The following LUZP1 variants were observed in gnomAD, a reference collection of about 807,000 sequenced individuals.
LUZP1 encodes leucine zipper protein 1.
Under a neutral mutation model 71.3 loss-of-function variants are expected in LUZP1, and 25 were observed. That is an observed-to-expected ratio of 0.35 (90% CI 0.26 to 0.49). The LOEUF is 0.49. Ranked by LOEUF, LUZP1 falls within the 20% of genes least tolerant of loss-of-function variation. The probability of loss-of-function intolerance (pLI) is 0.99; values close to 1 mark genes in which losing one functional copy is unlikely to be tolerated. For missense variants in LUZP1, 1,142 were observed against 1,300.8 expected (o/e 0.88, Z 1.88); for synonymous variants, 481 against 506.4 (o/e 0.95, Z 0.67).
rs1268800611 is a variant in LUZP1, at chr1:23,172,519, AT to A, written c.-484-3496del. On this transcript the variant is annotated intron_variant, in intron 1 of 4. Transcript: ENST00000302291. ...TACAAAAAAAAATTTTTATTTTTTT[AT>A]TTTTTTTTTTTTAGACAGAGGTCAC... 2.7e-3 allele frequency among the ~76,000 whole-genome samples: 392 copies of A among 143,156 alleles called. 1 individual carries two copies. Among genetic ancestry groups the A allele is most frequent in the African/African-American group, 4.4e-3 (173 of 39,350 alleles). The allele number at this position is 143,156 out of a possible 152,430, so 93.9% of individuals were successfully genotyped here.
At chr1:23,119,348 T>G (rs1200003724) in intron 2 of LUZP1, among the ~76,000 whole-genome samples, 1 of 137,220 alleles carries the variant, frequency 7.3e-6, no homozygotes, top group Non-Finnish European at 1.5e-5. Context: ...AACCTCGAAC[T>G]CCTGGGCTCG....
At chr1:23,162,210 A>G (rs1644472778) in intron 2 of LUZP1, among the ~76,000 whole-genome samples, 1 of 151,976 alleles carries the variant, frequency 6.6e-6, no homozygotes, top group South Asian at 2.1e-4. Flanking sequence ...TGCTGTCAGA[A>G]GTCAGGATGG....
chr1:23,123,222 G>A (rs193183085), intron 2 of LUZP1, among the ~76,000 whole-genome samples: 8 of 152,172 alleles, frequency 5.3e-5, no homozygotes, highest in Middle Eastern at 6.8e-3. Flanking sequence ...GGCCGGGCGC[G>A]GTGGCTCACC....
In LUZP1 at chr1:23,169,343, A is replaced by C. The variant is rs548812396; in HGVS notation, c.-484-319T>G. 5.9e-5 allele frequency among the ~76,000 whole-genome samples: 9 copies of C among 152,346 alleles called. No homozygotes were observed. In the South Asian group the frequency reaches 8.3e-4, roughly 14 times the overall value. ...GGGTGACAGAGTGAGACCCTGTCTC[A>C]AAAGAAAAAGAAAAAAGCGGGACAC... On this transcript the variant is annotated intron_variant, in intron 1 of 4. Transcript: ENST00000302291.
exon 5 of LUZP1, chr1:23,086,781 G>T (rs1184886764): frequency 6.6e-6 from 1 of 152,646 alleles, no homozygotes; most frequent in South Asian, 2.1e-4. Flanking sequence ...AGCAGTAAGA[G>T]ATCTTGGAAA....
exon 4 of LUZP1, chr1:23,092,546 T>A: frequency 6.2e-7 from 1 of 1,614,108 alleles, no homozygotes; most frequent in Non-Finnish European, 8.5e-7. Context: ...CTGAGGAGGA[T>A]CTTCGAGATG....
At chr1:23,166,090 G>A (rs1475046399) in intron 2 of LUZP1, among the ~76,000 whole-genome samples, 1 of 149,208 alleles carries the variant, frequency 6.7e-6, no homozygotes, top group African/African-American at 2.5e-5. Flanking sequence ...CACACTTCAA[G>A]TGCATATTTA....
chr1:23,119,260 T>A (rs1229528369), intron 2 of LUZP1, among the ~76,000 whole-genome samples: 1 of 142,220 alleles, frequency 7.0e-6, no homozygotes, highest in Non-Finnish European at 1.5e-5. Context: ...TCTTTTTTTT[T>A]TTTTTTTTTT....
chr1:23,108,563 G>A (rs975968627), intron 3 of LUZP1, among the ~76,000 whole-genome samples: 13 of 152,134 alleles, frequency 8.5e-5, no homozygotes, highest in African/African-American at 2.4e-4. Context: ...TCACGCCACC[G>A]CCCTCCAGCC....
intron 2 of LUZP1, among the ~76,000 whole-genome samples, chr1:23,165,669 T>G (rs1278748195): frequency 6.6e-6 from 1 of 152,186 alleles, no homozygotes; most frequent in Non-Finnish European, 1.5e-5. Context: ...ATACATTCAT[T>G]ACATTCATTC....
intron 3 of LUZP1, among the ~76,000 whole-genome samples, chr1:23,103,851 G>GGAGT: frequency 3.4e-4 from 2 of 5,850 alleles, no homozygotes; most frequent in Non-Finnish European, 9.4e-4. Context: ...AGGGAGGGAG[G>GGAGT]GAGGGAGGGA....
chr1:23,091,404 G>C (rs752279640), exon 4 of LUZP1: 3 of 1,614,200 alleles, frequency 1.9e-6, no homozygotes, highest in Non-Finnish European at 2.5e-6. Flanking sequence ...AGACCTCTGG[G>C]TGTAGGCATT....
intron 3 of LUZP1, among the ~76,000 whole-genome samples, chr1:23,098,579 A>C (rs189377352): frequency 6.6e-6 from 1 of 152,336 alleles, no homozygotes; most frequent in East Asian, 1.9e-4. Context: ...TGCTGGAAAG[A>C]GTGACGTTAA....
At chr1:23,144,881 G>A (rs1375438150) in intron 2 of LUZP1, among the ~76,000 whole-genome samples, 1 of 152,026 alleles carries the variant, frequency 6.6e-6, no homozygotes, top group Admixed American at 6.6e-5. Flanking sequence ...TTTGGTGGGG[G>A]TTTTGGGGGG....
chr1:23,124,716 G>A (rs924669378), intron 2 of LUZP1, among the ~76,000 whole-genome samples: 2 of 152,074 alleles, frequency 1.3e-5, no homozygotes, highest in African/African-American at 4.8e-5. Context: ...ATCATTTTGG[G>A]GCAAGGAGGT....
chr1:23,090,634 G>A (rs1643837378), intron 4 of LUZP1: 1 of 561,766 alleles, frequency 1.8e-6, no homozygotes, highest in Non-Finnish European at 3.2e-6. Flanking sequence ...GGGGGCAAAA[G>A]AAAGTGTCAC....
chr1:23,177,073 T>TGGG (rs10548114), intron 1 of LUZP1, among the ~76,000 whole-genome samples: 4 of 144,174 alleles, frequency 2.8e-5, no homozygotes, highest in African/African-American at 7.5e-5. Context: ...GTAAGGATGA[T>TGGG]GGGGGGGGGG....
At chr1:23,159,434 T>C (rs1644447189) in intron 2 of LUZP1, among the ~76,000 whole-genome samples, 1 of 152,158 alleles carries the variant, frequency 6.6e-6, no homozygotes, top group Non-Finnish European at 1.5e-5. Flanking sequence ...GGCATTCTTT[T>C]AAAAAACCTC....
chr1:23,174,919 A>T (rs1644573978), intron 1 of LUZP1, among the ~76,000 whole-genome samples: 1 of 152,106 alleles, frequency 6.6e-6, no homozygotes, highest in African/African-American at 2.4e-5. Flanking sequence ...GGCAACCGTT[A>T]CTACATGCAT....
Sources: gnomAD v4.1 joint callset for allele counts (sites outside exome capture counted in the v4.1 genomes callset) on GRCh38, gnomAD v4.1.1 for gene constraint, MANE v1.5 for transcripts, NCBI Gene and HGNC (gene_info 2026-07-23, HGNC 2026-07-21) for gene names.